The following RNF111 variants were observed in gnomAD, a reference collection of about 807,000 sequenced individuals.
RNF111 encodes the protein ring finger protein 111, also known as E3 ubiquitin-protein ligase Arkadia.
In RNF111, 17 loss-of-function variants were observed where a neutral mutation model predicts 95.1. The ratio of observed to expected loss-of-function variants is 0.18; its 90% CI spans 0.12 to 0.27. The LOEUF is 0.27. Among genes scored for constraint, RNF111 ranks in the 10% least tolerant of loss-of-function variants. RNF111 has a pLI of 1.00. For missense variants in RNF111, 1,189 were observed against 1,210.4 expected (o/e 0.98, Z 0.26); for synonymous variants, 440 against 414.8 (o/e 1.06, Z -0.74).
chr15:59,012,411 C>T (rs1332313483), intron 1 of RNF111, among the ~76,000 whole-genome samples: 1 of 152,050 alleles, frequency 6.6e-6, no homozygotes, highest in African/African-American at 2.4e-5. Flanking sequence ...CTTATCTGTT[C>T]TCATTTAATA....
At position 59,095,827 on chromosome 15, in the gene RNF111, A is replaced by G. The variant is rs2079167987; in HGVS notation, c.*927A>G. 1 of 394,264 alleles carries G rather than the reference A, an allele frequency of 2.5e-6. No homozygotes were observed. Among genetic ancestry groups the G allele is most frequent in the Admixed American group, 4.4e-5 (1 of 22,634 alleles). The allele number at this position is 394,264 out of a possible 1,614,324, so 24.4% of individuals were successfully genotyped here. On this transcript the variant is annotated 3_prime_UTR_variant, in exon 14 of 14. Coordinates refer to ENST00000348370, the MANE Select transcript of RNF111 (RefSeq NM_017610.8). ...AGATATCTGCTTACATTGATTTTGTAGACACATTAAGTCAAGATTTGGAAT... is the reference window on the plus strand; with the variant it reads ...AGATATCTGCTTACATTGATTTTGTGGACACATTAAGTCAAGATTTGGAAT...
intron 5 of RNF111, among the ~76,000 whole-genome samples, chr15:59,063,667 G>T (rs1305794225): frequency 6.6e-6 from 1 of 152,206 alleles, no homozygotes; most frequent in Non-Finnish European, 1.5e-5. Flanking sequence ...ATGCAAGCCT[G>T]TTTGAGAAAC....
intron 13 of RNF111, among the ~76,000 whole-genome samples, chr15:59,092,867 G>A (rs761490509): frequency 6.6e-6 from 1 of 152,138 alleles, no homozygotes; most frequent in African/African-American, 2.4e-5. Context: ...GCATGTGATG[G>A]TGTGCACCTG....
At chr15:59,037,930 G>C (rs542872744) in intron 2 of RNF111, among the ~76,000 whole-genome samples, 7 of 152,246 alleles carry the variant, frequency 4.6e-5, no homozygotes, top group African/African-American at 1.7e-4. Flanking sequence ...GCTTAAGTCA[G>C]TCCCATTTTA....
chr15:59,055,069 T>G (rs1465856971), intron 3 of RNF111, among the ~76,000 whole-genome samples: 3 of 152,210 alleles, frequency 2.0e-5, no homozygotes, highest in African/African-American at 7.2e-5. Context: ...GTTAGATGTT[T>G]AGGGTTCACA....
At chr15:59,020,020 G>A (rs915803581) in intron 1 of RNF111, among the ~76,000 whole-genome samples, 1 of 151,180 alleles carries the variant, frequency 6.6e-6, no homozygotes, top group Admixed American at 6.6e-5. Flanking sequence ...CACCGAAATG[G>A]GGTTAATGGA....
intron 2 of RNF111, among the ~76,000 whole-genome samples, chr15:59,050,796 C>A (rs1173792663): frequency 6.6e-6 from 1 of 152,146 alleles, no homozygotes; most frequent in Non-Finnish European, 1.5e-5. Flanking sequence ...ATGTGTTATA[C>A]CCTTTTAGCA....
intron 1 of RNF111, among the ~76,000 whole-genome samples, chr15:59,021,361 G>A (rs1488628856): frequency 1.3e-5 from 2 of 152,134 alleles, no homozygotes; most frequent in African/African-American, 4.8e-5. Context: ...ATGTTGGCCA[G>A]GCTGGTCTCG....
At chr15:59,066,109 T>G (rs1715358384) in intron 5 of RNF111, among the ~76,000 whole-genome samples, 1 of 152,128 alleles carries the variant, frequency 6.6e-6, no homozygotes, top group South Asian at 2.1e-4. Context: ...AGCATTTGCT[T>G]TGTAGCATGT....
At chr15:59,064,073 T>C (rs1343603391) in intron 5 of RNF111, among the ~76,000 whole-genome samples, 1 of 152,178 alleles carries the variant, frequency 6.6e-6, no homozygotes, top group Admixed American at 6.5e-5. Context: ...TAGGAAACAG[T>C]TACTTAATGT....
chr15:59,081,827 G>A (rs1201247548), intron 8 of RNF111, among the ~76,000 whole-genome samples: 1 of 152,174 alleles, frequency 6.6e-6, no homozygotes, highest in Non-Finnish European at 1.5e-5. Flanking sequence ...AGGAGTTTGA[G>A]ACCAGCTTGG....
Position 59,066,841 on chromosome 15 carries a change from C to A in RNF111, c.1444C>A (p.Pro482Thr). Residue 482 changes from proline (P) to threonine (T), a missense_variant, in exon 6 of 14, where the codon CCC (proline) becomes ACC (threonine). Physicochemically the swap from Pro to Thr is conservative, Grantham distance 38. Transcript: ENST00000348370. ...AATGCCAAGGTTACCTTCCTGCTGT[C>A]CCCAGCACTCACCATGTGGAGGGTC... ...PAMPRLPSCC[P>T]QHSPCGGSSQ... The A allele has an allele frequency of 1.9e-6, 3 of 1,614,068 alleles. No individual in the cohort carries two copies. Among genetic ancestry groups the A allele is most frequent in the Non-Finnish European group, 2.5e-6 (3 of 1,179,986 alleles).
At chr15:59,055,083 A>C (rs1161712531) in intron 3 of RNF111, among the ~76,000 whole-genome samples, 1 of 152,228 alleles carries the variant, frequency 6.6e-6, no homozygotes, top group Non-Finnish European at 1.5e-5. Context: ...GTTCACAGTC[A>C]CGTGTTTTAG....
At chr15:59,036,267 G>A (rs948770892) in intron 2 of RNF111, among the ~76,000 whole-genome samples, 3 of 151,920 alleles carry the variant, frequency 2.0e-5, no homozygotes, top group Non-Finnish European at 2.9e-5. Context: ...CATGGTGGCC[G>A]GGCTGGTCTC....
At chr15:59,016,604 A>G (rs1194106075) in intron 1 of RNF111, among the ~76,000 whole-genome samples, 2 of 152,152 alleles carry the variant, frequency 1.3e-5, no homozygotes, top group Non-Finnish European at 1.5e-5. Flanking sequence ...TCGGCCCACC[A>G]TAATTTTGTT....
At chr15:59,058,715 T>G (rs1367398306) in intron 5 of RNF111, 165 bp downstream of exon 5, 2 of 643,760 alleles carry the variant, frequency 3.1e-6, no homozygotes, top group Non-Finnish European at 5.3e-6. Context: ...ATTAGGCTGA[T>G]TTCATATTTG....
At chr15:59,088,728 A>G (rs1425162208) in intron 10 of RNF111, among the ~76,000 whole-genome samples, 1 of 152,238 alleles carries the variant, frequency 6.6e-6, no homozygotes, top group Middle Eastern at 3.2e-3. Context: ...TTCACAACTA[A>G]TCAGTGTATA....
intron 1 of RNF111, among the ~76,000 whole-genome samples, chr15:59,017,526 T>C (rs1365911460): frequency 6.6e-6 from 1 of 152,216 alleles, no homozygotes; most frequent in African/African-American, 2.4e-5. Flanking sequence ...TCTTTAGGTT[T>C]GGCTTCTATC....
At chr15:59,027,012 C>G (rs1267405107) in intron 1 of RNF111, among the ~76,000 whole-genome samples, 2 of 152,098 alleles carry the variant, frequency 1.3e-5, no homozygotes, top group African/African-American at 4.8e-5. Flanking sequence ...ATTGTTTTGG[C>G]TTTGGGACAT....
Sources: allele counts gnomAD v4.1 joint callset (sites outside exome capture counted in the v4.1 genomes callset), GRCh38; gene constraint gnomAD v4.1.1; transcripts MANE v1.5; gene names NCBI Gene and HGNC (gene_info 2026-07-23, HGNC 2026-07-21).